MACROD2: variants seen among roughly 807,000 people sequenced by gnomAD.
MACROD2 encodes the protein mono-ADP ribosylhydrolase 2.
MACROD2 carries 36 observed loss-of-function variants against 70.4 expected under a neutral mutation model. The ratio of observed to expected loss-of-function variants is 0.51; its 90% CI spans 0.39 to 0.68. The LOEUF (loss-of-function observed/expected upper bound fraction) is 0.68, where lower values mean the gene tolerates loss of function less well. Among genes scored for constraint, MACROD2 ranks in the 30% least tolerant of loss-of-function variants. The pLI is 0.00. For synonymous variants in MACROD2, 172 were observed against 178.8 expected (o/e 0.96, Z 0.30); for missense variants, 496 against 538.4 (o/e 0.92, Z 0.78).
In MACROD2 at chr20:14,287,715, G is replaced by A. The variant is rs1055290428; in HGVS notation, c.271+201987G>A. Among the ~76,000 whole-genome samples the A allele has an allele frequency of 2.6e-5, 4 of 152,204 alleles. No homozygotes were observed. The East Asian group carries it at 7.7e-4, about 29-fold the overall frequency. On this transcript the variant is annotated intron_variant, in intron 3 of 17. Transcript: ENST00000684519. ...GCCAGGGCTAGATTCTCATTTACAG[G>A]CTCAACTTAGAAAGGATCTGCTTTC...
At chr20:15,307,747 TTC>T (rs1452602179) in intron 6 of MACROD2, among the ~76,000 whole-genome samples, 1 of 152,180 alleles carries the variant, frequency 6.6e-6, no homozygotes, top group Non-Finnish European at 1.5e-5. Context: ...TAAAATAATT[TTC>T]TTTTTTTTCT....
At chr20:15,491,352 G>A (rs975972289) in intron 7 of MACROD2, among the ~76,000 whole-genome samples, 2 of 152,208 alleles carry the variant, frequency 1.3e-5, no homozygotes, top group African/African-American at 2.4e-5. Flanking sequence ...TGGAGAAGGG[G>A]TGATCGCAAG....
At chr20:15,365,257 A>C (rs2045392143) in intron 6 of MACROD2, among the ~76,000 whole-genome samples, 1 of 152,172 alleles carries the variant, frequency 6.6e-6, no homozygotes, top group Non-Finnish European at 1.5e-5. Context: ...GAATATTGAA[A>C]GATCTATGTA....
intron 5 of MACROD2, among the ~76,000 whole-genome samples, chr20:14,837,159 A>G (rs2073038716): frequency 6.6e-6 from 1 of 152,208 alleles, no homozygotes; most frequent in South Asian, 2.1e-4. Context: ...TTATGTATGC[A>G]TAATAAATAT....
chr20:15,736,744 A>G (rs2051026524), intron 8 of MACROD2, among the ~76,000 whole-genome samples: 1 of 152,144 alleles, frequency 6.6e-6, no homozygotes, highest in Non-Finnish European at 1.5e-5. Flanking sequence ...TTTGAGGGAT[A>G]TGGGCTCTGC....
intron 8 of MACROD2, among the ~76,000 whole-genome samples, chr20:15,677,766 T>C (rs1229843839): frequency 6.6e-6 from 1 of 152,200 alleles, no homozygotes; most frequent in Non-Finnish European, 1.5e-5. Context: ...TTTTCGTTTT[T>C]ACCTTATAAA....
chr20:15,994,693 TAG>T (rs1379701300), intron 15 of MACROD2, among the ~76,000 whole-genome samples: 2 of 152,208 alleles, frequency 1.3e-5, no homozygotes, highest in Non-Finnish European at 2.9e-5. Context: ...TGCTATCATA[TAG>T]AGAGTTAGCC....
At chr20:14,607,360 C>T (rs1001114537) in intron 4 of MACROD2, among the ~76,000 whole-genome samples, 3 of 152,108 alleles carry the variant, frequency 2.0e-5, no homozygotes, top group African/African-American at 7.2e-5. Context: ...TTCTAAAACA[C>T]AATTGGCCCT....
At chr20:15,674,406 G>A (rs545569304) in intron 8 of MACROD2, among the ~76,000 whole-genome samples, 11 of 152,052 alleles carry the variant, frequency 7.2e-5, no homozygotes, top group Non-Finnish European at 1.3e-4. Flanking sequence ...CAGTGGGTGC[G>A]AAGGCATCTC....
chr20:14,257,600 C>T (rs1199017132), intron 3 of MACROD2, among the ~76,000 whole-genome samples: 1 of 152,106 alleles, frequency 6.6e-6, no homozygotes, highest in Non-Finnish European at 1.5e-5. Flanking sequence ...AGGTACCCCA[C>T]ATGGTGGCCT....
intron 8 of MACROD2, among the ~76,000 whole-genome samples, chr20:15,677,456 C>G (rs2146849431): frequency 6.6e-6 from 1 of 152,156 alleles, no homozygotes; most frequent in East Asian, 1.9e-4. Context: ...TGCAGTCTCC[C>G]CATGAAGGCA....
chr20:14,256,352 A>G (rs1382668620), intron 3 of MACROD2, among the ~76,000 whole-genome samples: 2 of 152,112 alleles, frequency 1.3e-5, no homozygotes, highest in Admixed American at 1.3e-4. Flanking sequence ...TGATAACTCT[A>G]TTATATGAAT....
At chr20:15,046,591 A>G (rs976881561) in intron 5 of MACROD2, among the ~76,000 whole-genome samples, 1 of 152,150 alleles carries the variant, frequency 6.6e-6, no homozygotes, top group Non-Finnish European at 1.5e-5. Context: ...GTTAGTGTTT[A>G]TTGTTTTAAC....
At chr20:15,230,934 A>C (rs1054056156) in intron 6 of MACROD2, among the ~76,000 whole-genome samples, 1 of 152,144 alleles carries the variant, frequency 6.6e-6, no homozygotes, top group Non-Finnish European at 1.5e-5. Flanking sequence ...ATTGTGGGGC[A>C]GAAAAAATAG....
intron 3 of MACROD2, among the ~76,000 whole-genome samples, chr20:14,319,375 C>A (rs1839851254): frequency 1.3e-5 from 2 of 152,156 alleles, no homozygotes; most frequent in Admixed American, 1.3e-4. Flanking sequence ...ATTAAATATT[C>A]TTCCTGTCTT....
intron 5 of MACROD2, among the ~76,000 whole-genome samples, chr20:14,712,422 C>T (rs1413118876): frequency 6.6e-6 from 1 of 152,128 alleles, no homozygotes; most frequent in African/African-American, 2.4e-5. Context: ...TTAATAGATA[C>T]CGCGGGTTGG....
At chr20:15,497,493 T>C (rs577443167) in intron 7 of MACROD2, among the ~76,000 whole-genome samples, 2 of 152,160 alleles carry the variant, frequency 1.3e-5, no homozygotes, top group African/African-American at 4.8e-5. Flanking sequence ...GGTTTCAGCA[T>C]CTTGGCCAGG....
At chr20:15,595,989 C>T (rs141217940) in intron 8 of MACROD2, among the ~76,000 whole-genome samples, 2 of 152,266 alleles carry the variant, frequency 1.3e-5, no homozygotes, top group Non-Finnish European at 2.9e-5. Flanking sequence ...CTGCCAACTA[C>T]CTGTAAGATA....
At chr20:15,162,405 G>A (rs1317873010) in intron 5 of MACROD2, among the ~76,000 whole-genome samples, 1 of 151,926 alleles carries the variant, frequency 6.6e-6, no homozygotes, top group Non-Finnish European at 1.5e-5. Context: ...ACACTAAGAA[G>A]GTTATATTCG....
Sources: gnomAD v4.1 joint callset for allele counts (sites outside exome capture counted in the v4.1 genomes callset) on GRCh38, gnomAD v4.1.1 for gene constraint, MANE v1.5 for transcripts, NCBI Gene and HGNC (gene_info 2026-07-23, HGNC 2026-07-21) for gene names.